Variants in PRKCB observed in about 807,000 individuals in gnomAD.
PRKCB encodes protein kinase C beta.
A neutral mutation model predicts 81.5 loss-of-function variants in PRKCB; 13 were observed. The ratio of observed to expected loss-of-function variants is 0.16; its 90% CI spans 0.10 to 0.25. PRKCB has a LOEUF of 0.25. Among genes scored for constraint, PRKCB ranks in the 10% least tolerant of loss-of-function variants. PRKCB has a pLI of 1.00. For missense variants in PRKCB, 509 were observed against 875.7 expected (o/e 0.58, Z 5.29); for synonymous variants, 335 against 321.4 (o/e 1.04, Z -0.45).
intron 16 of PRKCB, among the ~76,000 whole-genome samples, chr16:24,195,813 C>T (rs144924306): frequency 3.9e-5 from 6 of 152,186 alleles, no homozygotes; most frequent in Non-Finnish European, 7.4e-5. Flanking sequence ...AGTGCTAGAT[C>T]TCTGTCCTCT....
At chr16:24,014,377 T>G (rs1596511843) in intron 3 of PRKCB, among the ~76,000 whole-genome samples, 2 of 152,134 alleles carry the variant, frequency 1.3e-5, no homozygotes, top group South Asian at 4.2e-4. Context: ...GAAACTACTG[T>G]ACACCCTGAG....
intron 5 of PRKCB, among the ~76,000 whole-genome samples, chr16:24,047,102 T>G (rs1023342735): frequency 6.6e-6 from 1 of 150,832 alleles, no homozygotes; most frequent in East Asian, 1.9e-4. Context: ...ACTTGGGGAG[T>G]CTGAGGTGGG....
Position 24,216,866 on chromosome 16 carries a change from C to T in PRKCB, c.*2050C>T. 2.0e-6 allele frequency: 2 copies of T among 985,482 alleles called. No homozygotes were observed. 61.0% of individuals were successfully genotyped at this position (985,482 alleles called of 1,614,324 possible). A position where few individuals can be genotyped will look rare whatever the true frequency, so the allele number is the denominator to read the frequency against. On this transcript the variant is annotated 3_prime_UTR_variant, in exon 17 of 17. Transcript: ENST00000643927. ...CAAAGTCAGTCAGCTGGGATAAAAA[C>T]CTGGGTGTCCTGTCCAGAAAGTGCA...
Position 24,065,139 on chromosome 16 carries a change from AT to A in PRKCB, c.530-27647del, listed in dbSNP as rs569534529. 2.5e-3 allele frequency among the ~76,000 whole-genome samples: 375 copies of A among 150,552 alleles called. 3 individuals carry two copies. Among genetic ancestry groups the A allele is most frequent in the African/African-American group, 8.6e-3 (356 of 41,264 alleles). On this transcript the variant is annotated intron_variant, in intron 5 of 16. Transcript: ENST00000643927. ...TTAGAGTGTGTCTTTTATAAGCACA[AT>A]TTTTAATACAGTCTGACAATAGTTG... is the stretch of plus-strand genomic sequence containing the variant.
intron 2 of PRKCB, among the ~76,000 whole-genome samples, chr16:23,898,438 A>G (rs548868295): frequency 4.9e-4 from 75 of 152,236 alleles, no homozygotes; most frequent in African/African-American, 1.8e-3. Context: ...TGGCCAGTAA[A>G]TTAGACAATC....
At chr16:24,171,892 A>G (rs918773041) in intron 10 of PRKCB, among the ~76,000 whole-genome samples, 24 of 151,920 alleles carry the variant, frequency 1.6e-4, no homozygotes, top group Non-Finnish European at 8.8e-5. Context: ...TGCCACCACG[A>G]TTCGCTAATT....
At chr16:24,072,530 G>A (rs1178779505) in intron 5 of PRKCB, among the ~76,000 whole-genome samples, 1 of 151,562 alleles carries the variant, frequency 6.6e-6, no homozygotes, top group Non-Finnish European at 1.5e-5. Context: ...GATTACAGGT[G>A]TAAGCCACCA....
intron 5 of PRKCB, among the ~76,000 whole-genome samples, chr16:24,074,446 G>T (rs577910788): frequency 1.2e-4 from 18 of 152,288 alleles, no homozygotes; most frequent in Admixed American, 5.2e-4. Flanking sequence ...ACATCATAAG[G>T]TTCTTGTAAG....
At chr16:23,943,603 G>A (rs1432810575) in intron 2 of PRKCB, among the ~76,000 whole-genome samples, 1 of 152,082 alleles carries the variant, frequency 6.6e-6, no homozygotes, top group East Asian at 1.9e-4. Context: ...TATAAATTCT[G>A]TTTATTAATA....
intron 2 of PRKCB, among the ~76,000 whole-genome samples, chr16:23,868,135 T>C (rs988532622): frequency 2.0e-5 from 3 of 152,180 alleles, no homozygotes; most frequent in Admixed American, 2.0e-4. Context: ...GTAGCCATGG[T>C]CCACATCCAT....
chr16:24,111,083 G>C (rs939349493), intron 7 of PRKCB: 2 of 152,154 alleles, frequency 1.3e-5, no homozygotes, highest in African/African-American at 4.8e-5. Flanking sequence ...GGAATCCCTG[G>C]AAGTCCCTGC....
chr16:23,857,952 A>T (rs139622397), intron 2 of PRKCB, among the ~76,000 whole-genome samples: 16 of 152,312 alleles, frequency 1.1e-4, no homozygotes, highest in African/African-American at 3.8e-4. Context: ...TGTGGCTGCT[A>T]CTGTTATTGT....
intron 2 of PRKCB, among the ~76,000 whole-genome samples, chr16:23,859,477 A>G (rs950014950): frequency 1.3e-5 from 2 of 152,202 alleles, no homozygotes; most frequent in African/African-American, 4.8e-5. Flanking sequence ...AGCAGCCCCT[A>G]AACTTGTAGG....
intron 2 of PRKCB, among the ~76,000 whole-genome samples, chr16:23,939,243 C>T (rs1964106365): frequency 6.6e-6 from 1 of 152,118 alleles, no homozygotes; most frequent in South Asian, 2.1e-4. Context: ...AGAATATCTA[C>T]ATAAATGAAG....
intron 2 of PRKCB, among the ~76,000 whole-genome samples, chr16:23,912,577 A>G (rs1963678325): frequency 8.3e-6 from 1 of 119,788 alleles, no homozygotes; most frequent in African/African-American, 3.3e-5. Flanking sequence ...CAGTGGCGTG[A>G]TCTAGGCTCA....
intron 4 of PRKCB, among the ~76,000 whole-genome samples, chr16:24,032,776 C>T (rs1451075116): frequency 6.6e-6 from 1 of 152,198 alleles, no homozygotes; most frequent in Non-Finnish European, 1.5e-5. Flanking sequence ...TCTTTTGCTC[C>T]TGATCCACTG....
At chr16:24,023,746 T>A (rs1274175641) in intron 3 of PRKCB, among the ~76,000 whole-genome samples, 2 of 152,140 alleles carry the variant, frequency 1.3e-5, no homozygotes, top group African/African-American at 4.8e-5. Flanking sequence ...CTGAAACCGA[T>A]GGGTAAATAG....
chr16:24,050,411 T>C (rs536236860), intron 5 of PRKCB, among the ~76,000 whole-genome samples: 22 of 152,202 alleles, frequency 1.4e-4, no homozygotes, highest in African/African-American at 4.8e-4. Context: ...ACTTTCCTTA[T>C]TCTAGATCAG....
chr16:23,959,535 CCT>C (rs1410683980), intron 2 of PRKCB, among the ~76,000 whole-genome samples: 1 of 152,224 alleles, frequency 6.6e-6, no homozygotes, highest in East Asian at 1.9e-4. Context: ...AGAGGCAGCG[CCT>C]CGCAGGAAAG....
Sources: gnomAD v4.1 joint callset for allele counts (sites outside exome capture counted in the v4.1 genomes callset) on GRCh38, gnomAD v4.1.1 for gene constraint, MANE v1.5 for transcripts, NCBI Gene and HGNC (gene_info 2026-07-23, HGNC 2026-07-21) for gene names.